Variants in HESX1 observed in about 807,000 individuals in gnomAD.
HESX1 encodes homeobox expressed in ES cells 1.
In HESX1, 11 loss-of-function variants were observed where a neutral mutation model predicts 22.5. The ratio of observed to expected loss-of-function variants is 0.49; its 90% CI spans 0.31 to 0.81. HESX1 has a LOEUF of 0.81. Ranked by LOEUF, HESX1 falls within the 30% of genes least tolerant of loss-of-function variation. HESX1 has a pLI of 0.05. For missense variants in HESX1, 201 were observed against 212.6 expected (o/e 0.95, Z 0.34); for synonymous variants, 74 against 76.5 (o/e 0.97, Z 0.17).
At chr3:57,213,366 G>T (rs1204989025) in intron 1 of HESX1, among the ~76,000 whole-genome samples, 1 of 152,146 alleles carries the variant, frequency 6.6e-6, no homozygotes, top group Non-Finnish European at 1.5e-5. Flanking sequence ...CTCTCATCCA[G>T]TCAAACCCTT....
At chr3:57,215,793 A>C (rs1559501451) in intron 1 of HESX1, among the ~76,000 whole-genome samples, 2 of 151,548 alleles carry the variant, frequency 1.3e-5, no homozygotes, top group Admixed American at 1.3e-4. Flanking sequence ...AACAAACAAA[A>C]AAACCACAGA....
chr3:57,214,823 G>A (rs941963781), intron 1 of HESX1, among the ~76,000 whole-genome samples: 1 of 152,132 alleles, frequency 6.6e-6, no homozygotes, highest in Non-Finnish European at 1.5e-5. Flanking sequence ...GGGAGGAGGA[G>A]AAAGTTAATG....
intron 1 of HESX1, among the ~76,000 whole-genome samples, chr3:57,212,173 T>C (rs1309844044): frequency 6.6e-6 from 1 of 152,196 alleles, no homozygotes; most frequent in Non-Finnish European, 1.5e-5. Context: ...GTTAAAATTG[T>C]TTACAGTATA....
intron 1 of HESX1, among the ~76,000 whole-genome samples, chr3:57,224,982 T>C (rs1260947902): frequency 6.6e-6 from 1 of 152,192 alleles, no homozygotes; most frequent in Non-Finnish European, 1.5e-5. Flanking sequence ...GCCCAAAGTT[T>C]TTACTCTACT....
chr3:57,218,241 A>G (rs2060594527), intron 1 of HESX1, among the ~76,000 whole-genome samples: 1 of 151,406 alleles, frequency 6.6e-6, no homozygotes, highest in African/African-American at 2.4e-5. Context: ...TTTTTTTCTG[A>G]TCCTCTTCCT....
chr3:57,202,723 T>G (rs2060497171), upstream of HESX1, among the ~76,000 whole-genome samples: 1 of 152,170 alleles, frequency 6.6e-6, no homozygotes, highest in African/African-American at 2.4e-5. Flanking sequence ...ACATGCTAAT[T>G]TCATGGCATG....
At chr3:57,225,640 G>T (rs1271724328) in intron 1 of HESX1, among the ~76,000 whole-genome samples, 4 of 151,722 alleles carry the variant, frequency 2.6e-5, no homozygotes, top group Non-Finnish European at 2.9e-5. Context: ...ACCGCGCCCA[G>T]CCTGTTTTAT....
intron 1 of HESX1, among the ~76,000 whole-genome samples, chr3:57,213,560 G>C (rs2060567384): frequency 6.6e-6 from 1 of 152,238 alleles, no homozygotes; most frequent in Non-Finnish European, 1.5e-5. Flanking sequence ...AATGGGAGTT[G>C]TCAGTTAACC....
At chr3:57,218,501 T>C (rs1444674595) in intron 1 of HESX1, among the ~76,000 whole-genome samples, 1 of 148,362 alleles carries the variant, frequency 6.7e-6, no homozygotes, top group Admixed American at 7.1e-5. Context: ...TGGAGTGCAG[T>C]AGCGTGACCT....
intron 1 of HESX1, among the ~76,000 whole-genome samples, chr3:57,221,476 T>C (rs532273689): frequency 2.6e-5 from 4 of 152,166 alleles, no homozygotes; most frequent in African/African-American, 7.2e-5. Flanking sequence ...CTATTTTCTA[T>C]AGCACTTATG....
intron 1 of HESX1, among the ~76,000 whole-genome samples, chr3:57,226,053 T>A (rs1485210252): frequency 6.6e-6 from 1 of 151,966 alleles, no homozygotes; most frequent in East Asian, 1.9e-4. Flanking sequence ...AATTTTTGTA[T>A]TGTTAGTAGA....
intron 1 of HESX1, among the ~76,000 whole-genome samples, chr3:57,205,675 A>G (rs1168044541): frequency 1.3e-5 from 2 of 151,992 alleles, no homozygotes; most frequent in Non-Finnish European, 2.9e-5. Context: ...TATCTCTTTC[A>G]AGTATTTGCT....
chr3:57,201,924 TATC>T (rs1284440250), upstream of HESX1, among the ~76,000 whole-genome samples: 7 of 151,630 alleles, frequency 4.6e-5, no homozygotes, highest in Non-Finnish European at 7.4e-5. Context: ...TCTATCTATC[TATC>T]TATTTTTTTG....
At chr3:57,202,597 A>G (rs141791140), upstream of HESX1, among the ~76,000 whole-genome samples, 463 of 152,278 alleles carry the variant, frequency 3.0e-3, 1 homozygote, top group African/African-American at 0.011. Context: ...TCGGCCTCCT[A>G]AAGTGGTGGG....
chr3:57,205,276 T>C (rs1281227404), intron 1 of HESX1, among the ~76,000 whole-genome samples: 1 of 151,952 alleles, frequency 6.6e-6, no homozygotes, highest in East Asian at 1.9e-4. Context: ...CAGGCATGGT[T>C]GCCTGCACCC....
chr3:57,208,594 C>T (rs531101112), intron 1 of HESX1, among the ~76,000 whole-genome samples: 25 of 149,714 alleles, frequency 1.7e-4, no homozygotes, highest in Middle Eastern at 3.4e-3. Context: ...AAGTGATCCA[C>T]CCACCTTGGC....
At chr3:57,202,328 TTTTG>T (rs1248479865), upstream of HESX1, among the ~76,000 whole-genome samples, 7 of 151,628 alleles carry the variant, frequency 4.6e-5, no homozygotes, top group African/African-American at 7.3e-5. Flanking sequence ...CTCAACAGAT[TTTTG>T]TTTGTTTGTT....
chr3:57,224,261 G>A (rs2060630663), intron 1 of HESX1, among the ~76,000 whole-genome samples: 1 of 152,118 alleles, frequency 6.6e-6, no homozygotes, highest in African/African-American at 2.4e-5. Context: ...TGGGATTACA[G>A]GCATGAGCCA....
chr3:57,208,293 G>C (rs776056261), intron 1 of HESX1, among the ~76,000 whole-genome samples: 13 of 152,060 alleles, frequency 8.5e-5, no homozygotes, highest in Non-Finnish European at 1.9e-4. Context: ...TACTTAACTT[G>C]TCAATGTTAT....
Sources: gnomAD v4.1 joint callset for allele counts (sites outside exome capture counted in the v4.1 genomes callset) on GRCh38, gnomAD v4.1.1 for gene constraint, MANE v1.5 for transcripts, NCBI Gene and HGNC (gene_info 2026-07-23, HGNC 2026-07-21) for gene names.